Variants in C5orf63 observed in about 807,000 individuals in gnomAD.
The protein encoded by C5orf63 is chromosome 5 open reading frame 63.
Under a neutral mutation model 13.3 loss-of-function variants are expected in C5orf63, and 18 were observed. The ratio of observed to expected loss-of-function variants is 1.36; its 90% CI spans 0.94 to 2.01. C5orf63 has a LOEUF of 2.01. Among genes scored for constraint, C5orf63 ranks in the 30% most tolerant of loss-of-function variants. The probability of loss-of-function intolerance (pLI) is 0.00; values close to 1 mark genes in which losing one functional copy is unlikely to be tolerated. For missense variants in C5orf63, 118 were observed against 127.7 expected (o/e 0.92, Z 0.36); for synonymous variants, 38 against 44.7 (o/e 0.85, Z 0.60).
chr5:127,068,655 A>G (rs1754415944), intron 2 of C5orf63, among the ~76,000 whole-genome samples: 4 of 152,164 alleles, frequency 2.6e-5, no homozygotes, highest in African/African-American at 9.7e-5. Flanking sequence ...AAGCTGACAA[A>G]TGTAAAGTGG....
At chr5:127,060,177 CT>C (rs1215640226) in intron 2 of C5orf63, among the ~76,000 whole-genome samples, 1 of 151,950 alleles carries the variant, frequency 6.6e-6, no homozygotes, top group Non-Finnish European at 1.5e-5. Context: ...ACAAAGCTTA[CT>C]TACAGGAACT....
At chr5:127,043,284 C>T (rs191412629), downstream of C5orf63, 11 of 152,302 alleles carry the variant, frequency 7.2e-5, no homozygotes, top group East Asian at 1.9e-3. Context: ...AAGGCTGTGA[C>T]CACCCTGAAC....
intron 2 of C5orf63, among the ~76,000 whole-genome samples, chr5:127,069,548 C>A (rs1047713778): frequency 1.3e-5 from 2 of 152,228 alleles, no homozygotes; most frequent in African/African-American, 4.8e-5. Context: ...TGTGCCCCCA[C>A]AAAACCTAAA....
At chr5:127,048,047 T>C, downstream of C5orf63, 1 of 579,186 alleles carries the variant, frequency 1.7e-6, no homozygotes, top group Non-Finnish European at 3.1e-6. Flanking sequence ...GTGCAGGTTA[T>C]TGGGAGACTG....
intron 2 of C5orf63, among the ~76,000 whole-genome samples, chr5:127,068,721 T>C (rs532040340): frequency 1.3e-5 from 2 of 152,042 alleles, no homozygotes; most frequent in Non-Finnish European, 2.9e-5. Context: ...ATGTAGATCT[T>C]AGCATTCACA....
At chr5:127,052,349 A>G (rs535676256) in intron 4 of C5orf63, 52 of 361,358 alleles carry the variant, frequency 1.4e-4, no homozygotes, top group African/African-American at 1.0e-3. Context: ...GCAAAAGTTT[A>G]AAGAAAACAT....
intron 2 of C5orf63, among the ~76,000 whole-genome samples, chr5:127,065,650 T>C (rs1276560853): frequency 3.9e-5 from 6 of 152,210 alleles, no homozygotes; most frequent in Middle Eastern, 3.4e-3. Context: ...TTAAGCAATG[T>C]GTGATGTGTT....
At chr5:127,061,838 T>C (rs182111058) in intron 2 of C5orf63, among the ~76,000 whole-genome samples, 2 of 152,288 alleles carry the variant, frequency 1.3e-5, no homozygotes, top group East Asian at 3.9e-4. Context: ...AAAAATTAGC[T>C]TTATTAAAGG....
downstream of C5orf63, among the ~76,000 whole-genome samples, chr5:127,048,089 TC>T (rs970136156): frequency 6.6e-6 from 1 of 151,992 alleles, no homozygotes; most frequent in Non-Finnish European, 1.5e-5. Context: ...TGCCTGCAGT[TC>T]CCTGATTTGG....
chr5:127,052,061 G>A, intron 4 of C5orf63, 114 bp from the exon 5 acceptor site: 1 of 884,390 alleles, frequency 1.1e-6, no homozygotes, highest in Non-Finnish European at 1.6e-6. Context: ...ATAGTTGTTT[G>A]TTTGTTTTAG....
exon 5 of C5orf63, chr5:127,045,534 A>G (rs1171483800): frequency 1.3e-5 from 2 of 152,090 alleles, no homozygotes; most frequent in Non-Finnish European, 2.9e-5. Context: ...ATGCAATATA[A>G]TTTTCCCATC....
chr5:127,066,133 A>C (rs1257162361), intron 2 of C5orf63, among the ~76,000 whole-genome samples: 1 of 152,206 alleles, frequency 6.6e-6, no homozygotes, highest in Non-Finnish European at 1.5e-5. Context: ...TGAAAGAAAC[A>C]GAAAAGATTG....
intron 3 of C5orf63, 161 bp downstream of exon 3, chr5:127,058,721 G>A: frequency 1.7e-6 from 1 of 584,000 alleles, no homozygotes; most frequent in Admixed American, 3.1e-5. Context: ...GAGATAATAA[G>A]GTATCTGGGT....
rs974871555 is a variant in C5orf63, at chr5:127,051,367, C to T, written c.*404G>A. The T allele has an allele frequency of 8.1e-7, 1 of 1,231,878 alleles. No individual in the cohort carries two copies. The highest frequency in any genetic ancestry group is 1.0e-6 in the Non-Finnish European group (1 of 988,086). The allele number at this position is 1,231,878 out of a possible 1,614,324, so 76.3% of individuals were successfully genotyped here. ...ATTAACAATTCACATTTCACTTTAT[C>T]TACTGAGTGGAAGAGCATTTATTCT... On this transcript the variant is annotated 3_prime_UTR_variant, in exon 5 of 5. Coordinates refer to ENST00000296662, the MANE Select transcript of C5orf63 (RefSeq NM_001164478.2).
chr5:127,062,988 G>A lies in C5orf63; in HGVS notation c.-7-3986C>T, dbSNP rs149285222. Among the ~76,000 whole-genome samples the A allele has an allele frequency of 8.8e-4, 133 of 151,336 alleles. 1 individual carries two copies. The highest frequency in any genetic ancestry group is 3.2e-3 in the African/African-American group (132 of 40,986). The stretch of plus-strand genomic sequence containing the variant: ...CACAATACCAAAGAAGAACAATTGG[G>A]TCACCTTTGTCACAGACTTAAAAAA... On this transcript the variant is annotated intron_variant, in intron 2 of 4. Coordinates refer to ENST00000296662, the MANE Select transcript of C5orf63 (RefSeq NM_001164478.2).
At position 127,058,919 on chromosome 5, in the gene C5orf63, G is replaced by A. The variant is rs752538265; in HGVS notation, c.77C>T (p.Ser26Phe). Residue 26 changes from serine to phenylalanine, a missense_variant, in exon 3 of 5, where the codon TCT (serine) becomes TTT (phenylalanine). Transcript: ENST00000296662. Reference sequence around the variant, plus strand: ...GGTCAACACAGGCAGAGTTGTCTTAGAGGCAGAGCAATTTCTCAAGAAGAG... The same window carrying A: ...GGTCAACACAGGCAGAGTTGTCTTAAAGGCAGAGCAATTTCTCAAGAAGAG... ...FGLFLRNCSA[S>F]KTTLPVLTLF... 4 of 1,537,056 alleles carry A rather than the reference G, an allele frequency of 2.6e-6. No individual in the cohort carries two copies. The highest frequency in any genetic ancestry group is 3.5e-6 in the Non-Finnish European group (4 of 1,146,696).
At position 127,052,204 on chromosome 5, in the gene C5orf63, T is replaced by A. The variant is rs73783517; in HGVS notation, c.172-257A>T. 8.4e-3 allele frequency among the ~76,000 whole-genome samples: 1,281 copies of A among 152,346 alleles called. 20 individuals carry two copies. Among genetic ancestry groups the A allele is most frequent in the East Asian group, 0.027 (138 of 5,190 alleles). On this transcript the variant is annotated intron_variant, in intron 4 of 4. Coordinates refer to ENST00000296662, the MANE Select transcript of C5orf63 (RefSeq NM_001164478.2). ...AGGACAGTACTCAGTTCCAATGAAA[T>A]AAAACATGTCCCAGTTGGGAAGCTG... is the stretch of plus-strand genomic sequence containing the variant.
intron 3 of C5orf63, among the ~76,000 whole-genome samples, chr5:127,055,721 G>T (rs1351686619): frequency 6.6e-6 from 1 of 151,928 alleles, no homozygotes; most frequent in Non-Finnish European, 1.5e-5. Flanking sequence ...CTCAACACAG[G>T]ATCTTAAAAG....
chr5:127,067,906 A>G (rs1053450939), intron 2 of C5orf63, among the ~76,000 whole-genome samples: 2 of 152,344 alleles, frequency 1.3e-5, no homozygotes, highest in East Asian at 3.8e-4. Flanking sequence ...CACAGCTCCT[A>G]CTAACTAATC....
Sources: allele counts gnomAD v4.1 joint callset (sites outside exome capture counted in the v4.1 genomes callset), GRCh38; gene constraint gnomAD v4.1.1; transcripts MANE v1.5; gene names NCBI Gene and HGNC (gene_info 2026-07-23, HGNC 2026-07-21).